Variants in PTPRK observed in about 807,000 individuals in gnomAD.
PTPRK encodes receptor-type tyrosine-protein phosphatase kappa.
A neutral mutation model predicts 178.0 loss-of-function variants in PTPRK; 75 were observed. The observed-to-expected ratio is 0.42, with a 90% CI of 0.35 to 0.51. The LOEUF (loss-of-function observed/expected upper bound fraction) is 0.51. Among genes scored for constraint, PTPRK ranks in the 20% least tolerant of loss-of-function variants. The probability of loss-of-function intolerance (pLI) is 0.02; values close to 1 mark genes in which losing one functional copy is unlikely to be tolerated. For missense variants in PTPRK, 1,441 were observed against 1,797.8 expected, an observed-to-expected ratio of 0.80 and a Z score of 3.59; for synonymous variants, 637 against 620.6, an observed-to-expected ratio of 1.03 and a Z score of -0.39.
At chr6:128,136,744 G>GT (rs1399487464) in intron 7 of PTPRK, among the ~76,000 whole-genome samples, 1 of 152,084 alleles carries the variant, frequency 6.6e-6, no homozygotes, top group African/African-American at 2.4e-5. Context: ...TGTGGACAAG[G>GT]GTGGAGCTAT....
intron 3 of PTPRK, among the ~76,000 whole-genome samples, chr6:128,290,214 T>C (rs1435959523): frequency 6.6e-6 from 1 of 152,164 alleles, no homozygotes; most frequent in East Asian, 1.9e-4. Context: ...GAGGGTAGAT[T>C]TGCATTCTGG....
At chr6:128,344,318 A>T (rs1214767693) in intron 2 of PTPRK, among the ~76,000 whole-genome samples, 1 of 152,210 alleles carries the variant, frequency 6.6e-6, no homozygotes, top group Non-Finnish European at 1.5e-5. Flanking sequence ...ACCATTTAGT[A>T]AATGAAATCA....
chr6:128,027,964 C>T (rs1461359057), intron 13 of PTPRK: 4 of 152,128 alleles, frequency 2.6e-5, no homozygotes, highest in Non-Finnish European at 1.5e-5. Flanking sequence ...GCAGCCACTC[C>T]CTTATTGAAG....
At chr6:128,081,018 C>T (rs1024732784) in intron 10 of PTPRK, among the ~76,000 whole-genome samples, 1 of 152,020 alleles carries the variant, frequency 6.6e-6, no homozygotes, top group Non-Finnish European at 1.5e-5. Context: ...GAGACATACA[C>T]ACACACACAC....
chr6:128,045,838 T>C (rs1379040915), intron 13 of PTPRK, among the ~76,000 whole-genome samples: 1 of 152,274 alleles, frequency 6.6e-6, no homozygotes, highest in Non-Finnish European at 1.5e-5. Context: ...GTTCTTCATT[T>C]CAATAAGAAA....
At chr6:128,030,597 T>G (rs1775148205) in intron 13 of PTPRK, among the ~76,000 whole-genome samples, 1 of 152,208 alleles carries the variant, frequency 6.6e-6, no homozygotes, top group Admixed American at 6.5e-5. Context: ...ATTATTTTAA[T>G]CTTATCAAAG....
At chr6:128,133,366 A>C (rs1271378709) in intron 7 of PTPRK, among the ~76,000 whole-genome samples, 1 of 152,138 alleles carries the variant, frequency 6.6e-6, no homozygotes, top group African/African-American at 2.4e-5. Flanking sequence ...AAATGATGAA[A>C]TAAATTTGAG....
At chr6:128,074,291 T>C (rs1358370005) in intron 11 of PTPRK, among the ~76,000 whole-genome samples, 2 of 152,086 alleles carry the variant, frequency 1.3e-5, no homozygotes, top group Non-Finnish European at 2.9e-5. Context: ...TATATATTCA[T>C]TTATTAACTT....
At chr6:128,142,202 C>T (rs1382301937) in intron 7 of PTPRK, among the ~76,000 whole-genome samples, 1 of 151,866 alleles carries the variant, frequency 6.6e-6, no homozygotes, top group African/African-American at 2.4e-5. Context: ...CTCTAGTTAT[C>T]ACCCTAGAAT....
chr6:128,280,274 T>A (rs940843763), intron 3 of PTPRK, among the ~76,000 whole-genome samples: 3 of 152,224 alleles, frequency 2.0e-5, no homozygotes, highest in Non-Finnish European at 4.4e-5. Flanking sequence ...AGGGACAGAG[T>A]TCTGCATACT....
rs534234022 is a variant in PTPRK, at chr6:128,519,468, G to T, written c.100+791C>A. On this transcript the variant is annotated intron_variant, in intron 1 of 29. Transcript: ENST00000368226. This position sits in a 1 kb window ranked among gnomAD's most constrained non-coding sequence, Gnocchi z 4.3. ...GCCCCAGGCCGGATCCGGGGAGCGC[G>T]GGGCCAGAGCCCCAGGCCGGATCCG... Among the ~76,000 whole-genome samples, 96 of 152,024 alleles carry T rather than the reference G, an allele frequency of 6.3e-4. No individual in the cohort carries two copies. The highest frequency in any genetic ancestry group is 2.1e-3 in the African/African-American group (89 of 41,484).
intron 1 of PTPRK, among the ~76,000 whole-genome samples, chr6:128,428,412 T>C (rs532753714): frequency 1.3e-5 from 2 of 152,306 alleles, no homozygotes; most frequent in East Asian, 1.9e-4. Flanking sequence ...AGTAAATATA[T>C]ATTAAATGTA....
chr6:128,286,094 A>T (rs1822461051), intron 3 of PTPRK, among the ~76,000 whole-genome samples: 1 of 151,892 alleles, frequency 6.6e-6, no homozygotes, highest in African/African-American at 2.4e-5. Context: ...CCCTGCCTCT[A>T]TTATGCACCC....
intron 13 of PTPRK, chr6:128,063,334 T>A (rs544098940): frequency 2.6e-5 from 4 of 152,228 alleles, no homozygotes; most frequent in Non-Finnish European, 4.4e-5. Context: ...TTTTTTTAAA[T>A]TTGTATCGAG....
chr6:128,497,920 G>A (rs1291792627), intron 1 of PTPRK, among the ~76,000 whole-genome samples: 5 of 151,832 alleles, frequency 3.3e-5, no homozygotes, highest in South Asian at 2.1e-4. Context: ...TGTATATTAC[G>A]AAGTATTTTT....
intron 12 of PTPRK, among the ~76,000 whole-genome samples, chr6:128,065,910 T>G (rs1352946383): frequency 6.6e-6 from 1 of 152,202 alleles, no homozygotes; most frequent in African/African-American, 2.4e-5. Context: ...ACTTTAAAAC[T>G]CTTTGCCAAG....
chr6:128,149,853 G>A (rs1797014490), intron 7 of PTPRK, among the ~76,000 whole-genome samples: 1 of 152,150 alleles, frequency 6.6e-6, no homozygotes, highest in South Asian at 2.1e-4. Flanking sequence ...TGATAGGTAA[G>A]AGAAGAGGTA....
At chr6:127,981,454 G>A (rs141384933) in intron 24 of PTPRK, among the ~76,000 whole-genome samples, 165 bp from the exon 25 acceptor site, 1 of 152,228 alleles carries the variant, frequency 6.6e-6, no homozygotes, top group East Asian at 1.9e-4. Flanking sequence ...TAAAGCTAAT[G>A]AAGCCTGAGA....
intron 12 of PTPRK, among the ~76,000 whole-genome samples, chr6:128,066,788 A>C (rs1352173332): frequency 6.6e-6 from 1 of 152,230 alleles, no homozygotes; most frequent in Admixed American, 6.5e-5. Flanking sequence ...ATGAGGCATG[A>C]AAGGCCAGGT....
Sources: gnomAD v4.1 joint callset for allele counts (sites outside exome capture counted in the v4.1 genomes callset) on GRCh38, gnomAD v4.1.1 for gene constraint, Gnocchi (gnomAD v3.1) non-coding constraint, MANE v1.5 for transcripts, NCBI Gene and HGNC (gene_info 2026-07-23, HGNC 2026-07-21) for gene names.